Variants in LINGO2 observed in about 807,000 individuals in gnomAD.
LINGO2 encodes the protein leucine-rich repeat and immunoglobulin-like domain-containing nogo receptor-interacting protein 2.
Under a neutral mutation model 30.6 loss-of-function variants are expected in LINGO2, and 14 were observed. The ratio of observed to expected loss-of-function variants is 0.46; its 90% CI spans 0.30 to 0.72. LINGO2 has a LOEUF of 0.72. Among genes scored for constraint, LINGO2 ranks in the 30% least tolerant of loss-of-function variants. The probability of loss-of-function intolerance (pLI) is 0.07; values close to 1 mark genes in which losing one functional copy is unlikely to be tolerated. For missense variants in LINGO2, 729 were observed against 751.7 expected, an observed-to-expected ratio of 0.97 and a Z score of 0.35; for synonymous variants, 317 against 288.5, an observed-to-expected ratio of 1.10 and a Z score of -1.00.
At chr9:28,685,502 AG>A in the LINGO2 span, among the ~76,000 whole-genome samples, 4 of 152,180 alleles carry the variant, frequency 2.6e-5, no homozygotes, top group Non-Finnish European at 5.9e-5. Context: ...TCATAGAAAA[AG>A]ATGTGTTTCT....
the LINGO2 span, among the ~76,000 whole-genome samples, chr9:29,084,880 T>C: frequency 0.2 from 29,949 of 151,822 alleles, 3,088 homozygotes; most frequent in African/African-American, 0.24. Flanking sequence ...ACCTGCTCCA[T>C]AGGAAGCACT....
At chr9:28,655,473 G>A (rs550279904) in intron 1 of LINGO2, among the ~76,000 whole-genome samples, 22 of 152,118 alleles carry the variant, frequency 1.4e-4, no homozygotes, top group Admixed American at 2.6e-4. Context: ...AGGATTTGGG[G>A]GTACTGTTGG....
the LINGO2 span, among the ~76,000 whole-genome samples, chr9:28,773,630 T>C: frequency 6.6e-6 from 1 of 152,146 alleles, no homozygotes; most frequent in East Asian, 1.9e-4. Context: ...CTATTATTCA[T>C]GCTGCTTGTT....
At chr9:28,646,252 C>G (rs1327685510) in intron 1 of LINGO2, among the ~76,000 whole-genome samples, 1 of 152,056 alleles carries the variant, frequency 6.6e-6, no homozygotes, top group Non-Finnish European at 1.5e-5. Flanking sequence ...TCCTCTCCAC[C>G]TACATCATCC....
At chr9:28,072,030 A>G (rs543889330) in intron 4 of LINGO2, among the ~76,000 whole-genome samples, 56 of 152,254 alleles carry the variant, frequency 3.7e-4, no homozygotes, top group Admixed American at 7.2e-4. Flanking sequence ...AGATATACCA[A>G]TCCCATCTTC....
At chr9:28,730,729 G>A in the LINGO2 span, among the ~76,000 whole-genome samples, 4 of 152,084 alleles carry the variant, frequency 2.6e-5, no homozygotes, top group Admixed American at 2.6e-4. Context: ...ATGAAAAGAT[G>A]TTCAGTGTCA....
chr9:28,465,878 A>G (rs1355604810), intron 2 of LINGO2, among the ~76,000 whole-genome samples: 1 of 152,192 alleles, frequency 6.6e-6, no homozygotes, highest in Non-Finnish European at 1.5e-5. Context: ...ATCGCTGATC[A>G]TCAGAGGAAT....
At chr9:28,743,701 G>GT in the LINGO2 span, among the ~76,000 whole-genome samples, 17 of 151,828 alleles carry the variant, frequency 1.1e-4, no homozygotes, top group African/African-American at 3.4e-4. Flanking sequence ...GGGATGAGTA[G>GT]TTTTTTTGTT....
chr9:28,480,759 A>C (rs914912020), intron 1 of LINGO2, among the ~76,000 whole-genome samples: 2 of 151,922 alleles, frequency 1.3e-5, no homozygotes, highest in Non-Finnish European at 2.9e-5. Flanking sequence ...TTTTACTTTC[A>C]ATTTTTTTTG....
At chr9:28,262,892 G>A (rs1195577347) in intron 4 of LINGO2, among the ~76,000 whole-genome samples, 1 of 151,926 alleles carries the variant, frequency 6.6e-6, no homozygotes, top group Non-Finnish European at 1.5e-5. Flanking sequence ...AAAGCAAATG[G>A]TAGACTAACT....
chr9:28,126,947 C>T (rs1248528692), intron 4 of LINGO2, among the ~76,000 whole-genome samples: 1 of 152,194 alleles, frequency 6.6e-6, no homozygotes, highest in Non-Finnish European at 1.5e-5. Flanking sequence ...GTATACCTAA[C>T]ATTTTTTATA....
chr9:28,415,565 G>A (rs12003487), intron 2 of LINGO2, among the ~76,000 whole-genome samples: 1 of 151,948 alleles, frequency 6.6e-6, no homozygotes, highest in Non-Finnish European at 1.5e-5. Context: ...CCAATTCAGG[G>A]TCTCTGAATG....
chr9:28,149,462 C>T (rs565393070), intron 4 of LINGO2, among the ~76,000 whole-genome samples: 2 of 150,950 alleles, frequency 1.3e-5, no homozygotes, highest in Non-Finnish European at 3.0e-5. Context: ...CGCCTCTGCC[C>T]GGCCCCCGCC....
At chr9:28,501,083 T>C (rs1411737456) in intron 1 of LINGO2, among the ~76,000 whole-genome samples, 7 of 152,072 alleles carry the variant, frequency 4.6e-5, no homozygotes, top group African/African-American at 1.7e-4. Context: ...AAAGGATATA[T>C]ACTAGCAAAA....
intron 1 of LINGO2, among the ~76,000 whole-genome samples, chr9:28,624,025 G>T (rs151323520): frequency 1.3e-5 from 2 of 152,052 alleles, no homozygotes; most frequent in Admixed American, 1.3e-4. Flanking sequence ...AGGTTGATTT[G>T]TATCTTGCAA....
chr9:27,979,793 C>A (rs1820770121), intron 5 of LINGO2, among the ~76,000 whole-genome samples: 1 of 151,876 alleles, frequency 6.6e-6, no homozygotes, highest in South Asian at 2.1e-4. Context: ...AATGGAAAAC[C>A]ACTATTATTG....
At chr9:28,924,350 A>G in the LINGO2 span, among the ~76,000 whole-genome samples, 4 of 152,232 alleles carry the variant, frequency 2.6e-5, no homozygotes, top group South Asian at 4.2e-4. Context: ...CCCCACAAAT[A>G]GCTGGGACCA....
chr9:28,148,718 C>T lies in LINGO2; in HGVS notation c.-86-136313G>A, dbSNP rs1303986097. The T allele has an allele frequency of 5.2e-5, 79 of 1,533,592 alleles. No homozygotes were observed. Among genetic ancestry groups the T allele is most frequent in the Non-Finnish European group, 6.5e-5 (74 of 1,146,158 alleles). 95.0% of individuals were successfully genotyped at this position (1,533,592 alleles called of 1,614,324 possible). On this transcript the variant is annotated intron_variant, in intron 4 of 5. Transcript: ENST00000379992. This position sits in a 1 kb window ranked among gnomAD's most constrained non-coding sequence, Gnocchi z 5.1. The stretch of plus-strand genomic sequence containing the variant: ...CCATGGAGTCGCCAGTTCACACAGC[C>T]CTGCTGGAGGCATCCTTCCCTTTGG...
Position 28,233,061 on chromosome 9 carries a change from T to TATATAA in LINGO2, c.-87+62146_-87+62147insTTATAT, listed in dbSNP as rs60875467. On this transcript the variant is annotated intron_variant, in intron 4 of 5. Transcript: ENST00000379992. The stretch of plus-strand genomic sequence containing the variant: ...ATATATATATATATATATATATATA[T>TATATAA]TAGATATATAATAGATATACAGTAA... Among the ~76,000 whole-genome samples the TATATAA allele has an allele frequency of 3.3e-3, 390 of 118,812 alleles. 13 individuals are homozygous for TATATAA. The highest frequency in any genetic ancestry group is 0.012 in the African/African-American group (344 of 27,938). 77.9% of individuals were successfully genotyped at this position (118,812 alleles called of 152,430 possible).
Sources: allele counts gnomAD v4.1 joint callset (sites outside exome capture counted in the v4.1 genomes callset), GRCh38; gene constraint gnomAD v4.1.1; non-coding constraint Gnocchi (gnomAD v3.1); transcripts MANE v1.5; gene names NCBI Gene and HGNC (gene_info 2026-07-23, HGNC 2026-07-21).